FAT3: variants seen among roughly 807,000 people sequenced by gnomAD.
FAT3 encodes the protein FAT atypical cadherin 3, also known as protocadherin Fat 3.
FAT3 carries 95 observed loss-of-function variants against 310.2 expected under a neutral mutation model. That is an observed-to-expected ratio of 0.31 (90% CI 0.26 to 0.36). The LOEUF (loss-of-function observed/expected upper bound fraction) is 0.36, where lower values mean the gene tolerates loss of function less well. Among genes scored for constraint, FAT3 ranks in the 10% least tolerant of loss-of-function variants. The pLI, the probability that FAT3 is intolerant of heterozygous loss-of-function variation, is 1.00. For synonymous variants in FAT3, 2,314 were observed against 2,192.9 expected (o/e 1.06, Z -1.54); for missense variants, 5,408 against 5,715.6 (o/e 0.95, Z 1.74).
intron 4 of FAT3, among the ~76,000 whole-genome samples, chr11:92,725,565 G>T (rs1265552150): frequency 6.6e-6 from 1 of 152,066 alleles, no homozygotes; most frequent in Non-Finnish European, 1.5e-5. Context: ...AAGAAAAAAA[G>T]ATCTTGTTAC....
intron 3 of FAT3, among the ~76,000 whole-genome samples, chr11:92,682,618 G>C (rs1481123470): frequency 6.6e-6 from 1 of 152,170 alleles, no homozygotes; most frequent in African/African-American, 2.4e-5. Flanking sequence ...ACTGAAACTA[G>C]GGTGATCAAC....
chr11:92,565,942 CA>C (rs1455817605), intron 3 of FAT3, among the ~76,000 whole-genome samples: 1 of 151,962 alleles, frequency 6.6e-6, no homozygotes, highest in Admixed American at 6.6e-5. Flanking sequence ...ACTGAATGGG[CA>C]AAAACTGGAA....
chr11:92,578,301 A>C (rs527833851), intron 3 of FAT3, among the ~76,000 whole-genome samples: 1 of 152,124 alleles, frequency 6.6e-6, no homozygotes, highest in Non-Finnish European at 1.5e-5. Flanking sequence ...AAATAATTAT[A>C]CAATGCATTA....
intron 2 of FAT3, among the ~76,000 whole-genome samples, chr11:92,514,994 T>C (rs1407681832): frequency 6.6e-6 from 1 of 152,124 alleles, no homozygotes; most frequent in African/African-American, 2.4e-5. Context: ...AGAGATGTTG[T>C]GGAAGGGATG....
At chr11:92,437,480 A>G (rs1052728546) in intron 2 of FAT3, among the ~76,000 whole-genome samples, 3 of 152,212 alleles carry the variant, frequency 2.0e-5, no homozygotes, top group African/African-American at 7.2e-5. Context: ...AATTATCTCA[A>G]TCTAGTTTAT....
intron 4 of FAT3, among the ~76,000 whole-genome samples, chr11:92,712,481 G>C (rs1187140929): frequency 6.6e-6 from 1 of 152,128 alleles, no homozygotes; most frequent in Non-Finnish European, 1.5e-5. Flanking sequence ...TCATGAATAT[G>C]AGTCTGTTGT....
chr11:92,549,579 T>TTGA (rs140074539), intron 3 of FAT3, among the ~76,000 whole-genome samples: 1 of 151,888 alleles, frequency 6.6e-6, no homozygotes, highest in Admixed American at 6.6e-5. Flanking sequence ...AAGGTACAGG[T>TTGA]TGATGATGAT....
chr11:92,542,318 A>C (rs1272137326), intron 3 of FAT3, among the ~76,000 whole-genome samples: 2 of 152,154 alleles, frequency 1.3e-5, no homozygotes, highest in Non-Finnish European at 2.9e-5. Flanking sequence ...CAGGCAACAA[A>C]AACAAAACTA....
chr11:92,686,881 A>G (rs1190740785), intron 3 of FAT3, among the ~76,000 whole-genome samples: 2 of 152,220 alleles, frequency 1.3e-5, no homozygotes, highest in African/African-American at 2.4e-5. Context: ...GAAAACATGT[A>G]GAAACAAATC....
intron 7 of FAT3, among the ~76,000 whole-genome samples, chr11:92,780,845 G>C (rs1282409826): frequency 1.3e-5 from 2 of 151,824 alleles, no homozygotes; most frequent in Non-Finnish European, 1.5e-5. Flanking sequence ...TGAGCTTTTG[G>C]GCCCCAGAGA....
At chr11:92,596,136 C>G (rs1370768425) in intron 3 of FAT3, among the ~76,000 whole-genome samples, 2 of 152,106 alleles carry the variant, frequency 1.3e-5, no homozygotes, top group Non-Finnish European at 2.9e-5. Context: ...TACATTTTTG[C>G]ATATGTTTTC....
At chr11:92,770,520 A>T (rs1946431017) in intron 6 of FAT3, among the ~76,000 whole-genome samples, 1 of 152,200 alleles carries the variant, frequency 6.6e-6, no homozygotes, top group Admixed American at 6.5e-5. Context: ...TTCGGTGTAC[A>T]TGCGGAACCT....
In FAT3 at chr11:92,430,916, G is replaced by A. The variant is rs530879793; in HGVS notation, c.3292+75512G>A. ...TTCTTAATCCAGTCTATCATTGTTG[G>A]ACATTTGGGTTGGTTCCAAGTCTTT... On this transcript the variant is annotated intron_variant, in intron 2 of 27. Coordinates refer to ENST00000525166, the MANE Select transcript of FAT3 (RefSeq NM_001367949.2). 4.1e-4 allele frequency among the ~76,000 whole-genome samples: 63 copies of A among 152,202 alleles called. 1 individual carries two copies. The highest frequency in any genetic ancestry group is 1.5e-3 in the African/African-American group (61 of 41,536).
intron 4 of FAT3, among the ~76,000 whole-genome samples, chr11:92,722,499 G>A (rs926279489): frequency 1.3e-5 from 2 of 152,168 alleles, no homozygotes; most frequent in African/African-American, 2.4e-5. Flanking sequence ...CACAGTGCAA[G>A]CTGTCAGTGG....
In FAT3 at chr11:92,501,226, G is replaced by T. The variant is rs538530053; in HGVS notation, c.3293-23408G>T. ...TCAGCTGGGGGTATTTCTCATGTTT[G>T]CTTTCTGGCTGTATGGGGAATGTGA... On this transcript the variant is annotated intron_variant, in intron 2 of 27. Coordinates refer to ENST00000525166, the MANE Select transcript of FAT3 (RefSeq NM_001367949.2). 1.9e-4 allele frequency among the ~76,000 whole-genome samples: 29 copies of T among 152,138 alleles called. 1 individual carries two copies. The South Asian group carries it at 6.0e-3, about 32-fold the overall frequency.
At chr11:92,535,004 C>A (rs1290599088) in intron 3 of FAT3, among the ~76,000 whole-genome samples, 1 of 150,384 alleles carries the variant, frequency 6.6e-6, no homozygotes, top group East Asian at 2.0e-4. Context: ...TGTGTAGATT[C>A]CTCTTGGCAT....
intron 4 of FAT3, among the ~76,000 whole-genome samples, chr11:92,733,808 A>G (rs1945260026): frequency 1.3e-5 from 2 of 152,236 alleles, no homozygotes; most frequent in African/African-American, 2.4e-5. Context: ...AGCTGTAGGT[A>G]CAGATTTGGG....
At chr11:92,595,835 T>C (rs917058287) in intron 3 of FAT3, among the ~76,000 whole-genome samples, 1 of 152,202 alleles carries the variant, frequency 6.6e-6, no homozygotes, top group African/African-American at 2.4e-5. Flanking sequence ...TTTGCGGGAA[T>C]AGTGTTGGTC....
intron 7 of FAT3, among the ~76,000 whole-genome samples, chr11:92,777,929 C>A (rs1946637687): frequency 6.6e-6 from 1 of 151,970 alleles, no homozygotes; most frequent in African/African-American, 2.4e-5. Context: ...GTTTGCCTCA[C>A]ATGTTGCTGT....
Sources: allele counts gnomAD v4.1 joint callset (sites outside exome capture counted in the v4.1 genomes callset), GRCh38; gene constraint gnomAD v4.1.1; transcripts MANE v1.5; gene names NCBI Gene and HGNC (gene_info 2026-07-23, HGNC 2026-07-21).